GRID2: variants seen among roughly 807,000 people sequenced by gnomAD.
The protein encoded by GRID2 is glutamate receptor ionotropic, delta-2.
GRID2 carries 33 observed loss-of-function variants against 114.8 expected under a neutral mutation model. That is an observed-to-expected ratio of 0.29 (90% confidence interval 0.22 to 0.38). GRID2 has a LOEUF of 0.38. GRID2 is among the 10% of genes least tolerant of loss of function. GRID2 has a pLI of 1.00. For synonymous variants in GRID2, 505 were observed against 449.9 expected, an observed-to-expected ratio of 1.12 and a Z score of -1.55; for missense variants, 1,184 against 1,257.7, an observed-to-expected ratio of 0.94 and a Z score of 0.89.
intron 2 of GRID2, among the ~76,000 whole-genome samples, chr4:93,059,361 A>G (rs1317721685): frequency 6.6e-6 from 1 of 152,128 alleles, no homozygotes; most frequent in Non-Finnish European, 1.5e-5. Flanking sequence ...ATTCAACATG[A>G]CTGACATTTT....
chr4:92,367,510 C>T lies in GRID2; in HGVS notation c.88+62766C>T, dbSNP rs184495511. On this transcript the variant is annotated intron_variant, in intron 1 of 15. Transcript: ENST00000282020. ...GAGGAGGAATGAGAGGAAGGGCAAA[C>T]AAAGGGAAAGAGAATTGCTTTAGGT... is the stretch of plus-strand genomic sequence containing the variant. 2.1e-3 allele frequency among the ~76,000 whole-genome samples: 319 copies of T among 151,878 alleles called. 1 individual carries two copies. Among genetic ancestry groups the T allele is most frequent in the Non-Finnish European group, 2.9e-3 (194 of 67,934 alleles).
At chr4:92,634,490 T>C in intron 2 of GRID2, among the ~76,000 whole-genome samples, 1 of 152,118 alleles carries the variant, frequency 6.6e-6, no homozygotes, top group East Asian at 1.9e-4. Flanking sequence ...ACAACCAAGA[T>C]GTCACTTTAT....
chr4:92,458,803 A>T (rs1180116239), intron 1 of GRID2, among the ~76,000 whole-genome samples: 10 of 152,216 alleles, frequency 6.6e-5, no homozygotes, highest in Non-Finnish European at 1.5e-4. Flanking sequence ...TAAAGGTGTC[A>T]GAGTTCAAAA....
At chr4:92,553,480 C>A (rs753854832) in intron 1 of GRID2, among the ~76,000 whole-genome samples, 8 of 151,928 alleles carry the variant, frequency 5.3e-5, no homozygotes, top group Non-Finnish European at 1.2e-4. Context: ...TGTATACCTT[C>A]GTAATTCTCA....
intron 2 of GRID2, among the ~76,000 whole-genome samples, chr4:93,069,824 A>T (rs1489731194): frequency 6.6e-6 from 1 of 152,114 alleles, no homozygotes; most frequent in Admixed American, 6.6e-5. Flanking sequence ...CTAAACTGGA[A>T]CTAAAAATCA....
At chr4:93,111,938 A>C (rs1338548476) in intron 4 of GRID2, 1 of 152,132 alleles carries the variant, frequency 6.6e-6, no homozygotes, top group African/African-American at 2.4e-5. Context: ...TGTCAGTAAT[A>C]TAAAATTTTT....
chr4:93,178,084 A>C (rs1040904343), intron 4 of GRID2, among the ~76,000 whole-genome samples: 4 of 151,114 alleles, frequency 2.6e-5, no homozygotes, highest in Admixed American at 2.6e-4. Context: ...AAAAAAAAAA[A>C]CATATAAGCT....
chr4:93,255,373 G>C (rs2149538302), intron 8 of GRID2, among the ~76,000 whole-genome samples: 1 of 152,136 alleles, frequency 6.6e-6, no homozygotes, highest in Middle Eastern at 3.4e-3. Context: ...CCATAGACTT[G>C]TCTTCTCCCA....
intron 13 of GRID2, among the ~76,000 whole-genome samples, chr4:93,593,815 TTG>T (rs1738697235): frequency 1.3e-5 from 2 of 152,186 alleles, no homozygotes; most frequent in Non-Finnish European, 2.9e-5. Flanking sequence ...TCATCTTCCA[TTG>T]CTGATACCCT....
chr4:92,367,394 G>A (rs1579248196), intron 1 of GRID2, among the ~76,000 whole-genome samples: 1 of 152,182 alleles, frequency 6.6e-6, no homozygotes, highest in South Asian at 2.1e-4. Context: ...TGGTTTGGGG[G>A]TGGTCTGATT....
chr4:93,026,648 G>A (rs778156601), intron 2 of GRID2, among the ~76,000 whole-genome samples: 21 of 151,720 alleles, frequency 1.4e-4, no homozygotes, highest in Non-Finnish European at 2.4e-4. Flanking sequence ...TGAGGTGTGC[G>A]TGTGTGTGTA....
chr4:93,033,680 CCTCT>C lies in GRID2; in HGVS notation c.245-51309_245-51306del, dbSNP rs1560813765. On this transcript the variant is annotated intron_variant, in intron 2 of 15. Coordinates refer to ENST00000282020, the MANE Select transcript of GRID2 (RefSeq NM_001510.4). Reference sequence around the variant, plus strand: ...CCTTCCTCTCTATCTCCATTCCTCTCCTCTCTCTCCTTGTTTCTGTTTCAACTTT... The same window carrying C: ...CCTTCCTCTCTATCTCCATTCCTCTCCTCTCCTTGTTTCTGTTTCAACTTT... Among the ~76,000 whole-genome samples the C allele has an allele frequency of 2.0e-5, 3 of 151,988 alleles. No individual in the cohort carries two copies. The South Asian group carries it at 6.2e-4, about 32-fold the overall frequency.
intron 2 of GRID2, among the ~76,000 whole-genome samples, chr4:92,884,033 G>T (rs774473089): frequency 6.6e-6 from 1 of 152,068 alleles, no homozygotes; most frequent in Non-Finnish European, 1.5e-5. Flanking sequence ...TGGCGTGCTT[G>T]TCCAGTATAA....
intron 1 of GRID2, among the ~76,000 whole-genome samples, chr4:92,374,515 T>A (rs901173578): frequency 6.6e-6 from 1 of 152,102 alleles, no homozygotes; most frequent in Non-Finnish European, 1.5e-5. Flanking sequence ...TGGGCATATG[T>A]TCTCAGGACC....
chr4:93,163,372 A>ATGTATATATATATG (rs1553999436), intron 4 of GRID2, among the ~76,000 whole-genome samples: 2 of 53,896 alleles, frequency 3.7e-5, no homozygotes, highest in African/African-American at 1.4e-4. Context: ...ATATATATAT[A>ATGTATATATATATG]TATATATATA....
At chr4:92,816,451 C>T (rs1740924426) in intron 2 of GRID2, among the ~76,000 whole-genome samples, 1 of 151,562 alleles carries the variant, frequency 6.6e-6, no homozygotes, top group African/African-American at 2.4e-5. Flanking sequence ...TACATTAATG[C>T]ATGTTTCCTT....
intron 2 of GRID2, among the ~76,000 whole-genome samples, chr4:92,992,664 A>G (rs571787378): frequency 7.2e-5 from 11 of 152,342 alleles, no homozygotes; most frequent in African/African-American, 2.6e-4. Flanking sequence ...ACATGCTGGC[A>G]CATGACTGCC....
intron 2 of GRID2, among the ~76,000 whole-genome samples, chr4:92,624,261 CTTA>C (rs1730415332): frequency 6.6e-6 from 1 of 151,856 alleles, no homozygotes; most frequent in South Asian, 2.1e-4. Flanking sequence ...CACAAACAAT[CTTA>C]TTAAGTATAA....
chr4:92,353,923 T>C (rs1407209610), intron 1 of GRID2, among the ~76,000 whole-genome samples: 4 of 152,028 alleles, frequency 2.6e-5, no homozygotes, highest in African/African-American at 9.7e-5. Flanking sequence ...AGCTGTCTAT[T>C]ATATTTCTCA....
Sources: allele counts gnomAD v4.1 joint callset (sites outside exome capture counted in the v4.1 genomes callset), GRCh38; gene constraint gnomAD v4.1.1; transcripts MANE v1.5; gene names NCBI Gene and HGNC (gene_info 2026-07-23, HGNC 2026-07-21).